TRPM7: variants seen among roughly 807,000 people sequenced by gnomAD.
TRPM7 encodes the protein LTRPC ion channel family member 7.
In TRPM7, 134 loss-of-function variants were observed where a neutral mutation model predicts 229.7. The observed-to-expected ratio is 0.58, with a 90% CI of 0.51 to 0.67. TRPM7 has a LOEUF of 0.67. Among genes scored for constraint, TRPM7 ranks in the 30% least tolerant of loss-of-function variants. The pLI is 0.00. For synonymous variants in TRPM7, 699 were observed against 715.2 expected (o/e 0.98, Z 0.36); for missense variants, 1,901 against 2,210.0 (o/e 0.86, Z 2.80).
At chr15:50,577,275 T>G (rs1014234029) in intron 31 of TRPM7, among the ~76,000 whole-genome samples, 1 of 151,908 alleles carries the variant, frequency 6.6e-6, no homozygotes, top group South Asian at 2.1e-4. Context: ...TCAGGCCAGG[T>G]GCGGTGGCTC....
rs976615603 is a variant in TRPM7 at position 50,657,775 on chromosome 15, A to T, written c.122+6T>A. On this transcript the variant is annotated splice_donor_region_variant and intron_variant, in intron 3 of 38. Transcript: ENST00000646667. ...AATTTGTGCGGTATAGTTATGTTAA[A>T]CTTACCTGACGAGTTGCTGACAAAT... The T allele has an allele frequency of 1.6e-5, 25 of 1,611,386 alleles. No individual in the cohort carries two copies. Among genetic ancestry groups the T allele is most frequent in the Non-Finnish European group, 2.0e-5 (24 of 1,178,312 alleles).
At chr15:50,675,844 T>C (rs1330111506) in intron 1 of TRPM7, among the ~76,000 whole-genome samples, 1 of 152,206 alleles carries the variant, frequency 6.6e-6, no homozygotes, top group African/African-American at 2.4e-5. Context: ...TAAAGATCAG[T>C]TGGTGATCTT....
At chr15:50,570,036 G>A in intron 37 of TRPM7, 43 bp from the exon 38 acceptor site, 2 of 1,584,470 alleles carry the variant, frequency 1.3e-6, no homozygotes, top group South Asian at 1.1e-5. Flanking sequence ...AAAAAAAGGG[G>A]GCAGTTTATA....
At chr15:50,620,088 G>A (rs760211897) in intron 12 of TRPM7, among the ~76,000 whole-genome samples, 88 of 152,116 alleles carry the variant, frequency 5.8e-4, no homozygotes, top group Middle Eastern at 6.8e-3. Flanking sequence ...TGATAATGGC[G>A]CTGTACAATA....
intron 31 of TRPM7, among the ~76,000 whole-genome samples, chr15:50,578,327 A>G (rs1483535902): frequency 6.6e-6 from 1 of 152,240 alleles, no homozygotes; most frequent in African/African-American, 2.4e-5. Flanking sequence ...AAGGTGGTCA[A>G]GAATAACTCA....
rs201303254 is a variant in TRPM7, at chr15:50,593,677, T to C, written c.3548A>G (p.Asn1183Ser). Residue 1183 changes from asparagine to serine, a missense_variant, in exon 25 of 39, where the codon AAT (asparagine) becomes AGT (serine). Physicochemically the swap from Asn to Ser is conservative, Grantham distance 46. Coordinates refer to ENST00000646667, the MANE Select transcript of TRPM7 (RefSeq NM_017672.6). ...FEEQCVEMYF[N>S]EKDDKFHSGS... The stretch of plus-strand genomic sequence containing the variant: ...AGAATGAAATTTGTCATCTTTTTCA[T>C]TGAAATACATTTCAACACACTGCTC... 21 of 1,612,262 alleles carry C rather than the reference T, an allele frequency of 1.3e-5. No individual in the cohort carries two copies. Among genetic ancestry groups the C allele is most frequent in the South Asian group, 4.4e-5 (4 of 90,690 alleles).
chr15:50,623,992 A>G (rs1319518049), intron 12 of TRPM7, among the ~76,000 whole-genome samples, 174 bp downstream of exon 12: 1 of 152,186 alleles, frequency 6.6e-6, no homozygotes, highest in Non-Finnish European at 1.5e-5. Flanking sequence ...TCTAAAAACA[A>G]GGAAAGGGTT....
chr15:50,629,749 G>C (rs915633098), intron 10 of TRPM7, among the ~76,000 whole-genome samples: 3 of 151,472 alleles, frequency 2.0e-5, no homozygotes, highest in Admixed American at 6.6e-5. Flanking sequence ...TAGGAAATCT[G>C]ACTTGTAGGA....
intron 4 of TRPM7, among the ~76,000 whole-genome samples, chr15:50,644,797 C>CAAAAA (rs201997665): frequency 2.6e-3 from 165 of 63,404 alleles, no homozygotes; most frequent in African/African-American, 3.4e-3. Flanking sequence ...AACTGCGTCT[C>CAAAAA]AAAAAAAAAA....
At chr15:50,590,244 TAAAAG>T (rs2059452907) in intron 26 of TRPM7, among the ~76,000 whole-genome samples, 1 of 151,272 alleles carries the variant, frequency 6.6e-6, no homozygotes, top group African/African-American at 2.4e-5. Flanking sequence ...GCTCGAAATT[TAAAAG>T]AAAAAAGGGG....
At chr15:50,663,945 AGAGT>A in intron 1 of TRPM7, among the ~76,000 whole-genome samples, 1 of 150,426 alleles carries the variant, frequency 6.6e-6, no homozygotes, top group South Asian at 2.1e-4. Flanking sequence ...CCTGAGTGAA[AGAGT>A]GAGAGACTCT....
At chr15:50,646,232 A>C (rs2061260828) in intron 4 of TRPM7, among the ~76,000 whole-genome samples, 1 of 152,140 alleles carries the variant, frequency 6.6e-6, no homozygotes, top group Non-Finnish European at 1.5e-5. Context: ...GGTTTTCCTC[A>C]TCAGAACACG....
chr15:50,587,405 C>CTTTTTTTTTTTTTTTT (rs34826776), intron 27 of TRPM7, among the ~76,000 whole-genome samples: 1 of 91,646 alleles, frequency 1.1e-5, no homozygotes, highest in East Asian at 4.1e-4. Flanking sequence ...ATAAATACTG[C>CTTTTTTTTTTTTTTTT]TTTTTTTTTT....
At position 50,649,936 on chromosome 15, in the gene TRPM7, T is replaced by C. The variant is rs2061369881; in HGVS notation, c.123-1051A>G. On this transcript the variant is annotated intron_variant, in intron 3 of 38. Coordinates refer to ENST00000646667, the MANE Select transcript of TRPM7 (RefSeq NM_017672.6). Reference sequence around the variant, plus strand: ...TTGGCCAGGTACAGTGGCTCACACCTGTAATCCCAGCACTTTGGGAGGCCG... The same window carrying C: ...TTGGCCAGGTACAGTGGCTCACACCCGTAATCCCAGCACTTTGGGAGGCCG... 2.0e-5 allele frequency among the ~76,000 whole-genome samples: 3 copies of C among 152,046 alleles called. No homozygotes were observed. In the South Asian group the frequency reaches 6.2e-4, roughly 32 times the overall value.
At chr15:50,646,265 G>C (rs963692647) in intron 4 of TRPM7, among the ~76,000 whole-genome samples, 1 of 152,044 alleles carries the variant, frequency 6.6e-6, no homozygotes, top group Non-Finnish European at 1.5e-5. Flanking sequence ...ACAATGTAGA[G>C]GTTAAAATGG....
In TRPM7 at chr15:50,570,166, G is replaced by A. The variant is rs557565820; in HGVS notation, c.5309-11C>T. 72 of 1,569,704 alleles carry A rather than the reference G, an allele frequency of 4.6e-5. No homozygotes were observed. In the East Asian group the frequency reaches 5.9e-4, roughly 13 times the overall value. ...AATTTTCACCAACACCTTTATATGT[G>A]TATATAAAAAAGACAAATAATTTAT... On this transcript the variant is annotated splice_polypyrimidine_tract_variant and intron_variant, in intron 36 of 38. Transcript: ENST00000646667.
intron 1 of TRPM7, among the ~76,000 whole-genome samples, chr15:50,670,413 C>T (rs966381026): frequency 7.2e-5 from 11 of 152,190 alleles, no homozygotes; most frequent in African/African-American, 2.6e-4. Context: ...GCTGATAAAA[C>T]AGGTTGCACT....
Position 50,663,137 on chromosome 15 carries a change from T to C in TRPM7, c.4-91A>G, listed in dbSNP as rs1034687780. Reference sequence around the variant, plus strand: ...ATGATAAACACATAAACAGTTCTTTTTTTTTTTTGAGACAGAGTTTTGCTC... The same window carrying C: ...ATGATAAACACATAAACAGTTCTTTCTTTTTTTTGAGACAGAGTTTTGCTC... On this transcript the variant is annotated intron_variant, in intron 1 of 38. Coordinates refer to ENST00000646667, the MANE Select transcript of TRPM7 (RefSeq NM_017672.6). The C allele has an allele frequency of 1.1e-5, 11 of 1,016,336 alleles. No individual in the cohort carries two copies. In the African/African-American group the frequency reaches 1.6e-4, roughly 15 times the overall value. 63.0% of individuals were successfully genotyped at this position (1,016,336 alleles called of 1,614,324 possible).
chr15:50,672,725 T>C (rs1021731559), intron 1 of TRPM7, among the ~76,000 whole-genome samples: 7 of 151,646 alleles, frequency 4.6e-5, no homozygotes, highest in African/African-American at 1.7e-4. Context: ...GCCTGATCAA[T>C]GTGGTGAAAC....
Sources: gnomAD v4.1 joint callset for allele counts (sites outside exome capture counted in the v4.1 genomes callset) on GRCh38, gnomAD v4.1.1 for gene constraint, MANE v1.5 for transcripts, NCBI Gene and HGNC (gene_info 2026-07-23, HGNC 2026-07-21) for gene names.